Variants in PITPNC1 observed in about 807,000 individuals in gnomAD.
The protein encoded by PITPNC1 is cytoplasmic phosphatidylinositol transfer protein 1.
A neutral mutation model predicts 44.7 loss-of-function variants in PITPNC1; 18 were observed. The observed-to-expected ratio is 0.40, with a 90% CI of 0.28 to 0.60. The LOEUF is 0.60. Ranked by LOEUF, PITPNC1 falls within the 20% of genes least tolerant of loss-of-function variation. The pLI, the probability that PITPNC1 is intolerant of heterozygous loss-of-function variation, is 0.39. For missense variants in PITPNC1, 290 were observed against 418.4 expected (o/e 0.69, Z 2.68); for synonymous variants, 141 against 149.6 (o/e 0.94, Z 0.42).
chr17:67,614,854 A>G (rs916191255), intron 5 of PITPNC1, among the ~76,000 whole-genome samples: 4 of 152,064 alleles, frequency 2.6e-5, no homozygotes, highest in African/African-American at 9.7e-5. Flanking sequence ...CTCTACTAAA[A>G]AAAAAAAAGT....
chr17:67,605,965 G>T (rs553851363), intron 5 of PITPNC1, among the ~76,000 whole-genome samples: 1 of 152,284 alleles, frequency 6.6e-6, no homozygotes, highest in Non-Finnish European at 1.5e-5. Context: ...ACTGCCCAAG[G>T]CCACACAATG....
intron 1 of PITPNC1, among the ~76,000 whole-genome samples, chr17:67,429,525 C>A (rs557236169): frequency 1.3e-5 from 2 of 151,850 alleles, no homozygotes; most frequent in South Asian, 4.2e-4. Context: ...ATGGTGAAAC[C>A]CCATCTCTAC....
chr17:67,519,163 A>G (rs1455668426), intron 1 of PITPNC1, among the ~76,000 whole-genome samples: 1 of 144,596 alleles, frequency 6.9e-6, no homozygotes, highest in Non-Finnish European at 1.5e-5. Flanking sequence ...TGTTCACAGC[A>G]GCATTCTGTT....
chr17:67,420,462 C>G (rs555960756), intron 1 of PITPNC1, among the ~76,000 whole-genome samples: 1 of 142,584 alleles, frequency 7.0e-6, no homozygotes, highest in Non-Finnish European at 1.5e-5. Flanking sequence ...TTTCTTGAGT[C>G]TTTCTCTGTT....
intron 1 of PITPNC1, among the ~76,000 whole-genome samples, chr17:67,475,527 G>A (rs533481164): frequency 6.4e-4 from 98 of 152,314 alleles, no homozygotes; most frequent in Admixed American, 3.2e-3. Flanking sequence ...GAACACGACA[G>A]ATTGAGGAAC....
At chr17:67,476,340 C>A (rs1170570799) in intron 1 of PITPNC1, among the ~76,000 whole-genome samples, 2 of 152,118 alleles carry the variant, frequency 1.3e-5, no homozygotes, top group African/African-American at 4.8e-5. Flanking sequence ...GCATGCACCA[C>A]CATGCCCGGC....
At chr17:67,630,886 A>G (rs1193603966) in intron 5 of PITPNC1, among the ~76,000 whole-genome samples, 1 of 151,148 alleles carries the variant, frequency 6.6e-6, no homozygotes, top group Non-Finnish European at 1.5e-5. Context: ...TAATTTTTGT[A>G]TTTTTGGTAG....
At chr17:67,378,882 G>A (rs1250854151) in intron 1 of PITPNC1, 2 of 657,732 alleles carry the variant, frequency 3.0e-6, no homozygotes, top group African/African-American at 2.0e-5. Context: ...CGGGGGCTGC[G>A]ACGCGGCCAC....
chr17:67,584,872 T>C (rs2041290870), intron 5 of PITPNC1, among the ~76,000 whole-genome samples: 1 of 151,344 alleles, frequency 6.6e-6, no homozygotes, highest in South Asian at 2.1e-4. Flanking sequence ...CCCAGCACTT[T>C]GGGAGGCAGA....
chr17:67,670,546 G>A (rs937194489), intron 7 of PITPNC1, among the ~76,000 whole-genome samples: 10 of 151,690 alleles, frequency 6.6e-5, no homozygotes, highest in Admixed American at 1.3e-4. Flanking sequence ...TCAGGAGTTC[G>A]AGACCAGCCT....
At chr17:67,672,882 G>GT (rs1382841820) in intron 7 of PITPNC1, among the ~76,000 whole-genome samples, 1 of 151,950 alleles carries the variant, frequency 6.6e-6, no homozygotes, top group East Asian at 1.9e-4. Flanking sequence ...GAACACCTTT[G>GT]TTTTTTTAAG....
intron 1 of PITPNC1, among the ~76,000 whole-genome samples, chr17:67,479,611 A>G (rs895096434): frequency 2.0e-5 from 3 of 152,222 alleles, no homozygotes; most frequent in African/African-American, 7.2e-5. Context: ...TCTTGGAACA[A>G]AGGACAAACG....
intron 1 of PITPNC1, among the ~76,000 whole-genome samples, chr17:67,445,174 A>AACAC (rs2039077563): frequency 6.6e-6 from 1 of 152,006 alleles, no homozygotes; most frequent in African/African-American, 2.4e-5. Flanking sequence ...GTGTTGACCG[A>AACAC]CTTCAGTGTT....
intron 5 of PITPNC1, among the ~76,000 whole-genome samples, chr17:67,601,178 A>T (rs954703375): frequency 6.6e-6 from 1 of 152,110 alleles, no homozygotes; most frequent in East Asian, 1.9e-4. Flanking sequence ...ACCTGGACAC[A>T]TTGTCATGAA....
chr17:67,569,160 C>T lies in PITPNC1; in HGVS notation c.295-9026C>T, dbSNP rs575717984. ...ACTGACTATGAAATCCCCAATGTGTCTGACCCTTTCTCTTTAAGACTTTGG... is the reference window on the plus strand; with the variant it reads ...ACTGACTATGAAATCCCCAATGTGTTTGACCCTTTCTCTTTAAGACTTTGG... On this transcript the variant is annotated intron_variant, in intron 4 of 8. Transcript: ENST00000581322. Among the ~76,000 whole-genome samples, 55 of 152,276 alleles carry T rather than the reference C, an allele frequency of 3.6e-4. No homozygotes were observed. The South Asian group carries it at 0.011, about 30-fold the overall frequency.
chr17:67,598,687 C>A (rs2041491685), intron 5 of PITPNC1, among the ~76,000 whole-genome samples: 1 of 151,994 alleles, frequency 6.6e-6, no homozygotes, highest in African/African-American at 2.4e-5. Flanking sequence ...GTCAGGAGTT[C>A]ATGACCAGCC....
rs559622448 is a variant in PITPNC1 at position 67,519,750 on chromosome 17, G to A, written c.49-13052G>A. On this transcript the variant is annotated intron_variant, in intron 1 of 8. Transcript: ENST00000581322. ...CTGGAGCTTCTCCTAAGTAGGGTGA[G>A]CAAAGATGCTGGAACTTTCCAAGTC... Among the ~76,000 whole-genome samples the A allele has an allele frequency of 7.6e-4, 116 of 152,270 alleles. 1 individual carries two copies. Among genetic ancestry groups the A allele is most frequent in the Non-Finnish European group, 1.6e-4 (11 of 68,020 alleles).
At chr17:67,391,923 G>A (rs1317074249) in intron 1 of PITPNC1, among the ~76,000 whole-genome samples, 1 of 152,168 alleles carries the variant, frequency 6.6e-6, no homozygotes, top group Non-Finnish European at 1.5e-5. Flanking sequence ...TTTTACTTAA[G>A]TATTAAACCA....
chr17:67,403,343 T>C (rs768840180), intron 1 of PITPNC1, among the ~76,000 whole-genome samples: 4 of 152,152 alleles, frequency 2.6e-5, no homozygotes, highest in Non-Finnish European at 5.9e-5. Context: ...TATTCCCTAC[T>C]TCCTCATTTG....
Sources: allele counts gnomAD v4.1 joint callset (sites outside exome capture counted in the v4.1 genomes callset), GRCh38; gene constraint gnomAD v4.1.1; transcripts MANE v1.5; gene names NCBI Gene and HGNC (gene_info 2026-07-23, HGNC 2026-07-21).